The following PARVG variants were observed in gnomAD, a reference collection of about 807,000 sequenced individuals.
PARVG encodes parvin gamma, also known as gamma-parvin.
In PARVG, 36 loss-of-function variants were observed where a neutral mutation model predicts 44.4. The observed-to-expected ratio is 0.81, with a 90% CI of 0.62 to 1.07. The LOEUF (loss-of-function observed/expected upper bound fraction) is 1.07, where lower values mean the gene tolerates loss of function less well. PARVG is among the 50% of genes least tolerant of loss of function. The pLI is 0.00. For missense variants in PARVG, 407 were observed against 407.4 expected (o/e 1.00, Z 0.01); for synonymous variants, 170 against 174.1 (o/e 0.98, Z 0.19).
rs574110853 is a variant in PARVG at position 44,206,350 on chromosome 22, G to A, written c.920G>A (p.Arg307Lys). ...AACAAGGATGCCAAGAGCACACTGA[G>A]GGTGCTCTATGGTCTGTTCTGCAAG... is the stretch of plus-strand genomic sequence containing the variant. ...IVNKDAKSTL[R>K]VLYGLFCKHT... The change falls in exon 14 of 14, where the codon AGG (arginine) becomes AAG (lysine). Residue 307 changes from arginine to lysine, a missense_variant. Transcript: ENST00000444313. 6.8e-6 allele frequency: 11 copies of A among 1,613,878 alleles called. No individual in the cohort carries two copies. Among genetic ancestry groups the A allele is most frequent in the African/African-American group, 6.7e-5 (5 of 74,992 alleles).
rs1228353407 is a variant in PARVG at position 44,198,769 on chromosome 22, A to G, written c.813+47A>G. The G allele has an allele frequency of 2.8e-6, 4 of 1,419,052 alleles. No individual in the cohort carries two copies. The East Asian group carries it at 9.1e-5, about 32-fold the overall frequency. The allele number at this position is 1,419,052 out of a possible 1,614,324, so 87.9% of individuals were successfully genotyped here. On this transcript the variant is annotated intron_variant, in intron 12 of 13. Transcript: ENST00000444313. ...CTTTATGGTCTACCTCTAGGTGAAC[A>G]GATATACAGAACTGGCATGACCAGT...
rs1477978867 is a variant in PARVG, at chr22:44,182,878, A to G, written c.-12-440A>G. 6.6e-6 allele frequency among the ~76,000 whole-genome samples: 1 copy of G among 151,914 alleles called. No homozygotes were observed. The highest frequency in any genetic ancestry group is 1.9e-4 in the East Asian group (1 of 5,150). On this transcript the variant is annotated intron_variant, in intron 2 of 13. Coordinates refer to ENST00000444313, the MANE Select transcript of PARVG (RefSeq NM_022141.7). The surrounding 1 kb of genome is among the most constrained non-coding windows in gnomAD (Gnocchi z 4.6). The stretch of plus-strand genomic sequence containing the variant: ...GGAGATGTCACCATTCCACGTATCC[A>G]CCTCAGCCAGCCCCACACAGGCCGA...
intron 7 of PARVG, among the ~76,000 whole-genome samples, chr22:44,191,233 AG>A (rs1441707955): frequency 6.6e-6 from 1 of 151,756 alleles, no homozygotes; most frequent in Non-Finnish European, 1.5e-5. Flanking sequence ...GCATCACAAT[AG>A]GGGGCCCCAC....
At chr22:44,206,260 C>T in intron 13 of PARVG, 57 bp from the exon 14 acceptor site, 1 of 1,258,510 alleles carries the variant, frequency 7.9e-7, no homozygotes, top group Non-Finnish European at 1.2e-6. Context: ...CACATCGGGA[C>T]AGTCGGTCAC....
At chr22:44,187,049 A>T (rs139134) in intron 4 of PARVG, 2 of 217,178 alleles carry the variant, frequency 9.2e-6, no homozygotes, top group East Asian at 2.1e-4. Flanking sequence ...CCAGTAGGCA[A>T]CAGTCAAGGA....
intron 4 of PARVG, chr22:44,186,246 C>G (rs1387634519): frequency 6.3e-6 from 2 of 315,462 alleles, no homozygotes; most frequent in African/African-American, 4.3e-5. Context: ...AGCTGCCAGC[C>G]CCTAAGCCCG....
rs776387171 is a variant in PARVG, at chr22:44,190,661, A to G, written c.499A>G (p.Ile167Val). 27 of 1,609,508 alleles carry G rather than the reference A, an allele frequency of 1.7e-5. No homozygotes were observed. In the Admixed American group the frequency reaches 3.8e-4, roughly 23 times the overall value. ...PTNVQVEVIT[I>V]ESTKSGLKSE... ...CAACGTCCAGGTGGAGGTCATCACT[A>G]TCGAGGTAGCAGCCTGGGCCCCAGG... Residue 167 changes from isoleucine (I) to valine (V), a missense_variant, in exon 7 of 14, where the codon ATC becomes GTC. Physicochemically the swap from Ile to Val is conservative, Grantham distance 29 (BLOSUM62 3). Coordinates refer to ENST00000444313, the MANE Select transcript of PARVG (RefSeq NM_022141.7).
At chr22:44,194,810 C>T (rs2054596995) in intron 9 of PARVG, among the ~76,000 whole-genome samples, 1 of 151,842 alleles carries the variant, frequency 6.6e-6, no homozygotes, top group Non-Finnish European at 1.5e-5. Flanking sequence ...TCCATACACC[C>T]ACCTATCCAT....
chr22:44,202,197 C>G (rs538640367), intron 12 of PARVG, among the ~76,000 whole-genome samples: 1 of 152,342 alleles, frequency 6.6e-6, no homozygotes, highest in Middle Eastern at 3.4e-3. Context: ...TGTTTCCCTC[C>G]TGTGGAGCCA....
chr22:44,177,579 G>C (rs1350132777), upstream of PARVG, among the ~76,000 whole-genome samples: 3 of 152,098 alleles, frequency 2.0e-5, no homozygotes, highest in African/African-American at 7.2e-5. Context: ...TTATGTTCCA[G>C]AATGTCTTGC....
rs533961203 is a variant in PARVG at position 44,182,161 on chromosome 22, C to G, written c.-13+244C>G. On this transcript the variant is annotated intron_variant, in intron 2 of 13. Coordinates refer to ENST00000444313, the MANE Select transcript of PARVG (RefSeq NM_022141.7). The surrounding 1 kb of genome is among the most constrained non-coding windows in gnomAD (Gnocchi z 4.6). ...GCCTCTGAACTTCAGCCAACCCCTC[C>G]GTCTCCAGGTGAAGAAACTGAGGCC... 6.6e-6 allele frequency among the ~76,000 whole-genome samples: 1 copy of G among 152,200 alleles called. No individual in the cohort carries two copies. Among genetic ancestry groups the G allele is most frequent in the African/African-American group, 2.4e-5 (1 of 41,452 alleles).
At chr22:44,183,169 C>T (rs1291278503) in intron 2 of PARVG, 149 bp from the exon 3 acceptor site, 9 of 656,324 alleles carry the variant, frequency 1.4e-5, no homozygotes, top group South Asian at 8.5e-5. Context: ...TCACAGGGCC[C>T]GTACCCCCTG....
rs1370261517 is a variant in PARVG, at chr22:44,183,416, C to T, written c.79+8C>T. 6.3e-7 allele frequency: 1 copy of T among 1,590,766 alleles called. No individual in the cohort carries two copies. The highest frequency in any genetic ancestry group is 2.3e-5 in the East Asian group (1 of 44,006). On this transcript the variant is annotated splice_region_variant and intron_variant, in intron 3 of 13. Transcript: ENST00000444313. ...AGGAGGAGCTCTCAAAAGGTGTGTG[C>T]CCACGCAGGTCTGAGGGTGGAGGGT...
At chr22:44,204,037 G>T (rs1033862880) in intron 12 of PARVG, among the ~76,000 whole-genome samples, 1 of 152,222 alleles carries the variant, frequency 6.6e-6, no homozygotes, top group African/African-American at 2.4e-5. Flanking sequence ...TAGAGACAGG[G>T]TTTCACCATG....
At chr22:44,187,903 C>G in intron 5 of PARVG, 25 bp downstream of exon 5, 1 of 1,612,268 alleles carries the variant, frequency 6.2e-7, no homozygotes, top group Non-Finnish European at 8.5e-7. Context: ...CTGGGGCTGC[C>G]TGGGCCTCGG....
chr22:44,189,005 G>T, intron 5 of PARVG, 109 bp from the exon 6 acceptor site: 1 of 1,459,046 alleles, frequency 6.9e-7, no homozygotes, highest in South Asian at 1.2e-5. Flanking sequence ...GGGCTCTCCA[G>T]ACCCATGTTC....
chr22:44,188,951 C>T (rs2147225613), intron 5 of PARVG, 163 bp from the exon 6 acceptor site: 1 of 849,502 alleles, frequency 1.2e-6, no homozygotes, highest in Non-Finnish European at 1.8e-6. Flanking sequence ...GAGGGCATAC[C>T]CGATTGAGGC....
intron 3 of PARVG, chr22:44,184,769 C>G (rs990664754): frequency 2.6e-5 from 4 of 152,190 alleles, no homozygotes; most frequent in African/African-American, 9.7e-5. Flanking sequence ...TTGTCACCAT[C>G]TGGTATTCTG....
intron 1 of PARVG, among the ~76,000 whole-genome samples, chr22:44,173,835 C>T (rs1035628184): frequency 2.6e-5 from 4 of 152,124 alleles, no homozygotes; most frequent in African/African-American, 7.2e-5. Context: ...TAACATCCCA[C>T]AGTGCACGGG....
Sources: allele counts gnomAD v4.1 joint callset (sites outside exome capture counted in the v4.1 genomes callset), GRCh38; gene constraint gnomAD v4.1.1; non-coding constraint Gnocchi (gnomAD v3.1); transcripts MANE v1.5; gene names NCBI Gene and HGNC (gene_info 2026-07-23, HGNC 2026-07-21).